The following MX1 variants were observed in gnomAD, a reference collection of about 807,000 sequenced individuals.
The protein encoded by MX1 is interferon-induced GTP-binding protein Mx1.
A neutral mutation model predicts 66.4 loss-of-function variants in MX1; 66 were observed. The observed-to-expected ratio is 0.99, with a 90% CI of 0.82 to 1.22. The LOEUF (loss-of-function observed/expected upper bound fraction) is 1.22. Among genes scored for constraint, MX1 ranks in the 50% most tolerant of loss-of-function variants. The pLI, the probability that MX1 is intolerant of heterozygous loss-of-function variation, is 0.00. For missense variants in MX1, 787 were observed against 834.3 expected (o/e 0.94, Z 0.70); for synonymous variants, 311 against 318.1 (o/e 0.98, Z 0.24).
At chr21:41,457,190 A>C (rs576942797) in intron 16 of MX1, among the ~76,000 whole-genome samples, 68 of 152,328 alleles carry the variant, frequency 4.5e-4, no homozygotes, top group Admixed American at 1.6e-3. Context: ...CTTGCTCAGC[A>C]AACAGTTCAT....
chr21:41,432,548 T>C (rs2090249026), intron 5 of MX1, among the ~76,000 whole-genome samples: 1 of 152,230 alleles, frequency 6.6e-6, no homozygotes, highest in Non-Finnish European at 1.5e-5. Context: ...ATTATCTTTG[T>C]AGGGAAGCCA....
At chr21:41,436,868 C>A in intron 6 of MX1, 147 bp from the exon 7 acceptor site, 1 of 914,906 alleles carries the variant, frequency 1.1e-6, no homozygotes, top group Non-Finnish European at 1.6e-6. Context: ...TGCGATGTCC[C>A]CGCATATCAG....
chr21:41,450,853 T>C (rs2090803712), intron 14 of MX1: 1 of 153,722 alleles, frequency 6.5e-6, no homozygotes, highest in African/African-American at 2.4e-5. Context: ...TTAAGAGTGA[T>C]TTGACTTATA....
At chr21:41,453,818 T>C (rs2090893516) in intron 16 of MX1, among the ~76,000 whole-genome samples, 2 of 152,024 alleles carry the variant, frequency 1.3e-5, no homozygotes, top group African/African-American at 4.8e-5. Flanking sequence ...CGGTCATAGG[T>C]GGGTTCAGAG....
At position 41,446,089 on chromosome 21, in the gene MX1, C is replaced by T. The variant is rs1278102746; in HGVS notation, c.1221C>T (p.Leu407=). The change falls in exon 13 of 17, where the codon CTC becomes CTT. Residue 407 remains leucine (L), a synonymous_variant. Coordinates refer to ENST00000398598, the MANE Select transcript of MX1 (RefSeq NM_002462.5). ...AAGACATTCGGCTGTTTACCAGACT[C>T]CGACACGAGTTCCACAAATGGAGTA... ...GEEDIRLFTR[L]RHEFHKWSTI... The T allele has an allele frequency of 1.2e-6, 2 of 1,614,014 alleles. No homozygotes were observed. The highest frequency in any genetic ancestry group is 1.7e-6 in the Non-Finnish European group (2 of 1,180,026).
chr21:41,441,972 A>G lies in MX1; in HGVS notation c.929+58A>G. 1 of 1,579,758 alleles carries G rather than the reference A, an allele frequency of 6.3e-7. No individual in the cohort carries two copies. The highest frequency in any genetic ancestry group is 1.7e-5 in the Admixed American group (1 of 59,828). On this transcript the variant is annotated intron_variant, in intron 10 of 16. Transcript: ENST00000398598. This position sits in a 1 kb window ranked among gnomAD's most constrained non-coding sequence, Gnocchi z 4.0. ...CCAAGCCCAGGATGTCAGGCCTTCC[A>G]GGGGACAGTGGCAGCCGTCCCACAG...
chr21:41,446,006 A>G lies in MX1; in HGVS notation c.1138A>G (p.Asn380Asp). 1.9e-6 allele frequency: 3 copies of G among 1,613,786 alleles called. No homozygotes were observed. Among genetic ancestry groups the G allele is most frequent in the Non-Finnish European group, 2.5e-6 (3 of 1,179,706 alleles). The change falls in exon 13 of 17, where the codon AAT becomes GAT. Residue 380 changes from asparagine to aspartate, a missense_variant. Physicochemically the swap from Asn to Asp is conservative, Grantham distance 23. Transcript: ENST00000398598. The part of the protein sequence containing the change: ...EKMFFLIDKV[N>D]AFNQDITALM... ...ATGTTTTTCTTCTTGACAGAAAGTT[A>G]ATGCCTTTAATCAGGACATCACTGC...
Position 41,443,853 on chromosome 21 carries a change from T to C in MX1, c.995T>C (p.Ile332Thr). ...GCAGAAAAACTTACCAGCGAGCTCA[T>C]CACACATATCTGTGTAAGCACGGGC... The part of the protein sequence containing the change: ...CLAEKLTSEL[I>T]THICKSLPLL... Residue 332 changes from isoleucine (I) to threonine (T), a missense_variant, in exon 11 of 17, where the codon ATC becomes ACC. By Grantham distance (89) the Ile-to-Thr change is moderately conservative. Transcript: ENST00000398598. 6.2e-7 allele frequency: 1 copy of C among 1,614,228 alleles called. No homozygotes were observed. The highest frequency in any genetic ancestry group is 8.5e-7 in the Non-Finnish European group (1 of 1,180,030).
intron 16 of MX1, among the ~76,000 whole-genome samples, chr21:41,456,193 A>G (rs2090954009): frequency 6.6e-6 from 1 of 152,230 alleles, no homozygotes; most frequent in Non-Finnish European, 1.5e-5. Context: ...GCAGTGAGCC[A>G]AGATCACACC....
In MX1 at chr21:41,436,946, A is replaced by G. The variant is rs17000913; in HGVS notation, c.299-69A>G. On this transcript the variant is annotated intron_variant, in intron 6 of 16. Coordinates refer to ENST00000398598, the MANE Select transcript of MX1 (RefSeq NM_002462.5). ...ATGATTGTATAAAAGTTTGAGAACCATGGGCCTAAGGCGCTATGTAGGTCT... is the reference window on the plus strand; with the variant it reads ...ATGATTGTATAAAAGTTTGAGAACCGTGGGCCTAAGGCGCTATGTAGGTCT... 0.012 allele frequency: 19,121 copies of G among 1,562,010 alleles called. 1,212 individuals are homozygous for G. The African/African-American group carries it at 0.17, about 14-fold the overall frequency.
intron 16 of MX1, among the ~76,000 whole-genome samples, chr21:41,457,614 C>A (rs2090989322): frequency 6.6e-6 from 1 of 152,178 alleles, no homozygotes; most frequent in Non-Finnish European, 1.5e-5. Context: ...GTCTTGTCTG[C>A]AAGACTCTCT....
chr21:41,442,620 G>A (rs2090552323), intron 10 of MX1: 1 of 152,234 alleles, frequency 6.6e-6, no homozygotes, highest in African/African-American at 2.4e-5. Flanking sequence ...GAAGCCTACA[G>A]AGAGCCATTA....
chr21:41,428,436 C>T (rs371971485), intron 3 of MX1: 14 of 152,400 alleles, frequency 9.2e-5, no homozygotes, highest in East Asian at 1.9e-4. Context: ...CACTGACAGC[C>T]ACTCCAGGGA....
intron 8 of MX1, 95 bp downstream of exon 8, chr21:41,439,943 G>A (rs2838037): frequency 0.047 from 63,341 of 1,351,870 alleles, 3,395 homozygotes; most frequent in African/African-American, 0.23. Context: ...TAGAGTAACC[G>A]TGAGTCCAGA....
chr21:41,433,531 G>A (rs983014404), intron 5 of MX1, among the ~76,000 whole-genome samples: 5 of 152,188 alleles, frequency 3.3e-5, no homozygotes, highest in African/African-American at 9.7e-5. Context: ...AATGAACAAC[G>A]TTGAACCAAA....
chr21:41,447,410 C>T (rs1374022041), intron 13 of MX1, among the ~76,000 whole-genome samples: 1 of 152,116 alleles, frequency 6.6e-6, no homozygotes, highest in Non-Finnish European at 1.5e-5. Context: ...CAAGCTCAGC[C>T]CGTAACACCA....
At chr21:41,439,908 T>A in intron 8 of MX1, 60 bp downstream of exon 8, 2 of 885,994 alleles carry the variant, frequency 2.3e-6, no homozygotes, top group Non-Finnish European at 3.4e-6. Context: ...AGTGGAGGGG[T>A]GGGAGGAGAA....
intron 16 of MX1, among the ~76,000 whole-genome samples, chr21:41,458,139 C>G (rs778340074): frequency 6.6e-6 from 1 of 152,176 alleles, no homozygotes; most frequent in East Asian, 1.9e-4. Context: ...CATGGTGTGC[C>G]GCCACACCTG....
rs1444594456 is a variant in MX1 at position 41,440,999 on chromosome 21, T to A, written c.704T>A (p.Val235Glu). Residue 235 changes from valine (V) to glutamate (E), a missense_variant, in exon 9 of 17, where the codon GTG becomes GAG. Transcript: ENST00000398598. ...GAGGCTCTCAGCATGGCCCAGGAGG[T>A]GGACCCCGAGGGAGACAGGACCATC... ...TTEALSMAQE[V>E]DPEGDRTIGI... 1.9e-6 allele frequency: 3 copies of A among 1,613,848 alleles called. No homozygotes were observed. Among genetic ancestry groups the A allele is most frequent in the African/African-American group, 1.3e-5 (1 of 74,886 alleles).
Sources: allele counts gnomAD v4.1 joint callset (sites outside exome capture counted in the v4.1 genomes callset), GRCh38; gene constraint gnomAD v4.1.1; non-coding constraint Gnocchi (gnomAD v3.1); transcripts MANE v1.5; gene names NCBI Gene and HGNC (gene_info 2026-07-23, HGNC 2026-07-21).